MYRFL: variants seen among roughly 807,000 people sequenced by gnomAD.
MYRFL encodes myelin regulatory factor-like protein.
MYRFL carries 88 observed loss-of-function variants against 109.4 expected under a neutral mutation model. The observed-to-expected ratio is 0.80, with a 90% confidence interval of 0.68 to 0.96. The LOEUF (loss-of-function observed/expected upper bound fraction) is 0.96. MYRFL is among the 40% of genes least tolerant of loss of function. The probability of loss-of-function intolerance (pLI) is 0.00; values close to 1 mark genes in which losing one functional copy is unlikely to be tolerated. For synonymous variants in MYRFL, 324 were observed against 320.9 expected (o/e 1.01, Z -0.10); for missense variants, 957 against 954.9 (o/e 1.00, Z -0.03).
At chr12:69,837,215 C>T (rs1027708372) in intron 1 of MYRFL, among the ~76,000 whole-genome samples, 3 of 152,158 alleles carry the variant, frequency 2.0e-5, no homozygotes, top group African/African-American at 4.8e-5. Flanking sequence ...CATTAGCTTC[C>T]GTATTCTAGA....
Position 69,926,946 on chromosome 12 carries a change from T to TG in MYRFL, c.1766+212_1766+213insG, listed in dbSNP as rs1339983090. ...TTTCTGTTGCTGGTTTTTTTTTTTT[T>TG]TTTTTTTTTTTTTTTGAGCCTGAGT... is the stretch of plus-strand genomic sequence containing the variant. On this transcript the variant is annotated intron_variant, in intron 14 of 24. Transcript: ENST00000552032. Among the ~76,000 whole-genome samples the TG allele has an allele frequency of 1.8e-4, 24 of 136,598 alleles. 1 individual carries two copies. Among genetic ancestry groups the TG allele is most frequent in the African/African-American group, 5.9e-4 (22 of 37,240 alleles). The allele number at this position is 136,598 out of a possible 152,430, so 89.6% of individuals were successfully genotyped here.
At chr12:69,866,333 A>G (rs1359516044) in intron 2 of MYRFL, among the ~76,000 whole-genome samples, 2 of 152,130 alleles carry the variant, frequency 1.3e-5, no homozygotes, top group African/African-American at 4.8e-5. Context: ...TGGAACTGCA[A>G]TAAAATCTCA....
At chr12:69,877,028 T>TTCTTTCTTTCTTTCTTTCTTTA in intron 2 of MYRFL, among the ~76,000 whole-genome samples, 1 of 130,244 alleles carries the variant, frequency 7.7e-6, no homozygotes, top group Admixed American at 7.9e-5. Flanking sequence ...TCTTTCTTTT[T>TTCTTTCTTTCTTTCTTTCTTTA]TTTTTTTTTT....
At chr12:69,945,309 C>T (rs893247828) in intron 19 of MYRFL, among the ~76,000 whole-genome samples, 1 of 152,062 alleles carries the variant, frequency 6.6e-6, no homozygotes, top group Non-Finnish European at 1.5e-5. Flanking sequence ...ACTTCCAGCC[C>T]TGTAAGCTCC....
intron 22 of MYRFL, among the ~76,000 whole-genome samples, chr12:69,956,994 T>G (rs942252868): frequency 1.3e-5 from 2 of 152,210 alleles, no homozygotes; most frequent in Admixed American, 6.5e-5. Flanking sequence ...AAATCAGGAC[T>G]TTTAGTTTAC....
intron 15 of MYRFL, 114 bp from the exon 16 acceptor site, chr12:69,932,399 C>T (rs1006909340): frequency 1.5e-6 from 1 of 666,002 alleles, no homozygotes; most frequent in African/African-American, 1.8e-5. Flanking sequence ...GAGGCAAGCA[C>T]TCAAACTATC....
At chr12:69,891,606 T>TCCTTC (rs1566002017) in intron 7 of MYRFL, among the ~76,000 whole-genome samples, 4 of 31,146 alleles carry the variant, frequency 1.3e-4, no homozygotes, top group Non-Finnish European at 1.8e-4. Context: ...TCTTTCTTTC[T>TCCTTC]CTTTCTTTCT....
At chr12:69,837,276 A>G (rs187067808) in intron 1 of MYRFL, among the ~76,000 whole-genome samples, 1 of 152,278 alleles carries the variant, frequency 6.6e-6, no homozygotes, top group East Asian at 1.9e-4. Flanking sequence ...CCTCCCTTCT[A>G]TCCTCCTCTC....
Position 69,831,383 on chromosome 12 carries a change from G to A in MYRFL, c.46+5820G>A, listed in dbSNP as rs559791482. Among the ~76,000 whole-genome samples the A allele has an allele frequency of 1.1e-4, 16 of 152,280 alleles. No individual in the cohort carries two copies. In the South Asian group the frequency reaches 3.3e-3, roughly 32 times the overall value. On this transcript the variant is annotated intron_variant, in intron 1 of 24. Transcript: ENST00000552032. ...TATTATCTGGCTCTTTACAAAAAAA[G>A]TTTACCAACCCCTGATCTACAACCT...
chr12:69,903,471 T>A (rs1822668602), intron 10 of MYRFL, among the ~76,000 whole-genome samples, 173 bp from the exon 11 acceptor site: 1 of 152,192 alleles, frequency 6.6e-6, no homozygotes, highest in African/African-American at 2.4e-5. Context: ...GAAGCCTCCC[T>A]GGCTCTCCTG....
intron 1 of MYRFL, among the ~76,000 whole-genome samples, chr12:69,833,405 A>T (rs1006184475): frequency 2.0e-5 from 3 of 152,226 alleles, no homozygotes; most frequent in Non-Finnish European, 4.4e-5. Context: ...GTGACCTTGA[A>T]AAAAGGATTT....
intron 10 of MYRFL, 55 bp from the exon 11 acceptor site, chr12:69,903,589 T>A (rs1195231103): frequency 1.3e-6 from 2 of 1,501,020 alleles, no homozygotes; most frequent in Non-Finnish European, 1.8e-6. Context: ...ACTAATGTGA[T>A]CATCTATTCC....
intron 1 of MYRFL, among the ~76,000 whole-genome samples, chr12:69,842,306 G>T (rs778498465): frequency 1.2e-4 from 19 of 152,166 alleles, no homozygotes; most frequent in Non-Finnish European, 2.5e-4. Flanking sequence ...CCTGCTTAAA[G>T]ATTTTCAATG....
chr12:69,953,581 C>T (rs1411016515), intron 21 of MYRFL, among the ~76,000 whole-genome samples: 1 of 151,976 alleles, frequency 6.6e-6, no homozygotes, highest in Admixed American at 6.6e-5. Flanking sequence ...CCAGCCTGGG[C>T]AACATGATGA....
chr12:69,913,189 A>G (rs1954626901), intron 13 of MYRFL, among the ~76,000 whole-genome samples: 1 of 152,258 alleles, frequency 6.6e-6, no homozygotes, highest in South Asian at 2.1e-4. Context: ...AATTCTCTAT[A>G]TATTCTGGAT....
chr12:69,852,720 C>T (rs1227842650), intron 1 of MYRFL, among the ~76,000 whole-genome samples: 1 of 151,384 alleles, frequency 6.6e-6, no homozygotes, highest in South Asian at 2.1e-4. Context: ...TTTTCCTAGG[C>T]AGAGGACCCT....
intron 19 of MYRFL, among the ~76,000 whole-genome samples, chr12:69,940,090 A>G (rs1354165623): frequency 1.6e-4 from 24 of 151,768 alleles, no homozygotes; most frequent in Non-Finnish European, 2.9e-5. Flanking sequence ...TGTACCTGAA[A>G]GTGATGGGGA....
intron 20 of MYRFL, 109 bp from the exon 21 acceptor site, chr12:69,952,690 T>TGG (rs1956009244): frequency 2.7e-6 from 2 of 751,704 alleles, no homozygotes; most frequent in East Asian, 5.8e-5. Flanking sequence ...TCTCTTGACC[T>TGG]GGGAAACTCT....
At chr12:69,886,789 G>A in intron 5 of MYRFL, 31 bp from the exon 6 acceptor site, 3 of 1,534,460 alleles carry the variant, frequency 2.0e-6, no homozygotes, top group South Asian at 2.4e-5. Context: ...CAGCCTGGAA[G>A]GAAGGCTCTG....
Sources: gnomAD v4.1 joint callset for allele counts (sites outside exome capture counted in the v4.1 genomes callset) on GRCh38, gnomAD v4.1.1 for gene constraint, MANE v1.5 for transcripts, NCBI Gene and HGNC (gene_info 2026-07-23, HGNC 2026-07-21) for gene names.